SENP6: variants seen among roughly 807,000 people sequenced by gnomAD.
The protein encoded by SENP6 is SUMO specific peptidase 6, also known as sentrin-specific protease 6.
A neutral mutation model predicts 134.5 loss-of-function variants in SENP6; 41 were observed. That is an observed-to-expected ratio of 0.30 (90% CI 0.24 to 0.40). The LOEUF (loss-of-function observed/expected upper bound fraction) is 0.40, where lower values mean the gene tolerates loss of function less well. SENP6 is among the 10% of genes least tolerant of loss of function. The probability of loss-of-function intolerance (pLI) is 1.00; values close to 1 mark genes in which losing one functional copy is unlikely to be tolerated. For synonymous variants in SENP6, 395 were observed against 429.8 expected (o/e 0.92, Z 1.00); for missense variants, 1,248 against 1,312.5 (o/e 0.95, Z 0.76).
intron 7 of SENP6, among the ~76,000 whole-genome samples, chr6:75,651,216 CT>C (rs2149852752): frequency 6.6e-6 from 1 of 152,072 alleles, no homozygotes; most frequent in Non-Finnish European, 1.5e-5. Flanking sequence ...TTTTTTCAGC[CT>C]GTTTTTTGTA....
chr6:75,637,167 A>G (rs1200255494), intron 5 of SENP6, among the ~76,000 whole-genome samples: 2 of 152,158 alleles, frequency 1.3e-5, no homozygotes, highest in Non-Finnish European at 2.9e-5. Flanking sequence ...TGAGCACTGC[A>G]CCTGTCTCAA....
chr6:75,701,274 C>G (rs1775005368), intron 18 of SENP6, among the ~76,000 whole-genome samples: 1 of 152,130 alleles, frequency 6.6e-6, no homozygotes, highest in South Asian at 2.1e-4. Context: ...AGCCCTGTGT[C>G]TAGCAAAAAA....
At chr6:75,710,307 C>T (rs1397428541) in intron 20 of SENP6, among the ~76,000 whole-genome samples, 1 of 152,086 alleles carries the variant, frequency 6.6e-6, no homozygotes, top group Non-Finnish European at 1.5e-5. Flanking sequence ...CCCTAACAAA[C>T]AGTATGAACA....
intron 1 of SENP6, among the ~76,000 whole-genome samples, chr6:75,620,102 AAG>A (rs1554158806): frequency 2.0e-5 from 3 of 151,372 alleles, no homozygotes; most frequent in African/African-American, 7.3e-5. Flanking sequence ...AAAAAAAAAA[AAG>A]AGGAAAATAA....
intron 7 of SENP6, among the ~76,000 whole-genome samples, chr6:75,653,852 A>C (rs1771105719): frequency 6.6e-6 from 1 of 152,198 alleles, no homozygotes; most frequent in Non-Finnish European, 1.5e-5. Flanking sequence ...AGAAAGTAGT[A>C]TGTAAAAGCC....
chr6:75,622,475 C>T (rs1423315642), intron 2 of SENP6, among the ~76,000 whole-genome samples: 1 of 152,196 alleles, frequency 6.6e-6, no homozygotes, highest in African/African-American at 2.4e-5. Context: ...AGGAGAATCA[C>T]TTGAACCCGG....
intron 16 of SENP6, among the ~76,000 whole-genome samples, chr6:75,680,960 CAA>C (rs1393173607): frequency 1.3e-5 from 2 of 152,188 alleles, no homozygotes; most frequent in African/African-American, 4.8e-5. Context: ...CCATAGTACT[CAA>C]AATGTCCAGA....
chr6:75,608,613 A>G (rs1767211718), intron 1 of SENP6, among the ~76,000 whole-genome samples: 1 of 152,236 alleles, frequency 6.6e-6, no homozygotes, highest in African/African-American at 2.4e-5. Context: ...TATGAACTCA[A>G]AAGTCAGAAT....
chr6:75,682,916 T>C lies in SENP6; in HGVS notation c.2075+3989T>C, dbSNP rs1246036995. Among the ~76,000 whole-genome samples the C allele has an allele frequency of 2.6e-5, 4 of 152,340 alleles. No homozygotes were observed. The East Asian group carries it at 7.7e-4, about 29-fold the overall frequency. On this transcript the variant is annotated intron_variant, in intron 16 of 23. Transcript: ENST00000447266. ...CATGATTTATAATCCTTTGGGTATA[T>C]ACCAGGTAATGGGATTGCTGGGTCA...
At chr6:75,606,595 A>G (rs912582092) in intron 1 of SENP6, among the ~76,000 whole-genome samples, 1 of 152,202 alleles carries the variant, frequency 6.6e-6, no homozygotes, top group South Asian at 2.1e-4. Context: ...TAAAATTACA[A>G]CTGACAAGTA....
At chr6:75,628,470 A>G (rs1768866766) in intron 3 of SENP6, among the ~76,000 whole-genome samples, 1 of 152,150 alleles carries the variant, frequency 6.6e-6, no homozygotes, top group South Asian at 2.1e-4. Context: ...TTGGAAATTT[A>G]TCTTTTAAAA....
intron 1 of SENP6, among the ~76,000 whole-genome samples, chr6:75,620,934 T>C (rs1284618709): frequency 1.3e-5 from 2 of 152,194 alleles, no homozygotes; most frequent in African/African-American, 4.8e-5. Flanking sequence ...GAATTTCATT[T>C]AGCTCTCTGG....
chr6:75,699,530 C>G (rs140635725), intron 18 of SENP6, among the ~76,000 whole-genome samples: 2 of 152,006 alleles, frequency 1.3e-5, no homozygotes, highest in Admixed American at 1.3e-4. Flanking sequence ...GTCTGTCACT[C>G]AGGCTGGAAT....
intron 3 of SENP6, among the ~76,000 whole-genome samples, chr6:75,631,747 GA>G (rs1769128210): frequency 6.6e-6 from 1 of 152,218 alleles, no homozygotes; most frequent in Admixed American, 6.5e-5. Context: ...ATATGATCAA[GA>G]AAGCCTACAA....
chr6:75,700,730 G>A (rs933370605), intron 18 of SENP6, among the ~76,000 whole-genome samples: 1 of 152,168 alleles, frequency 6.6e-6, no homozygotes, highest in African/African-American at 2.4e-5. Flanking sequence ...GAGCTCAAGC[G>A]ATATGCCTGC....
chr6:75,693,978 C>A (rs1774476905), intron 16 of SENP6, among the ~76,000 whole-genome samples: 1 of 152,068 alleles, frequency 6.6e-6, no homozygotes, highest in South Asian at 2.1e-4. Flanking sequence ...AGAACCAGGC[C>A]AGGCACGGTG....
chr6:75,641,558 A>G (rs1055528469), intron 6 of SENP6, among the ~76,000 whole-genome samples: 2 of 152,186 alleles, frequency 1.3e-5, no homozygotes, highest in African/African-American at 4.8e-5. Context: ...ACTGGCAGAC[A>G]CATGTTGTTC....
chr6:75,642,316 T>C (rs1197078259), intron 6 of SENP6, among the ~76,000 whole-genome samples: 1 of 152,216 alleles, frequency 6.6e-6, no homozygotes, highest in South Asian at 2.1e-4. Flanking sequence ...ATAATTTCCA[T>C]GTAGAGAAGT....
At chr6:75,619,697 T>G (rs1221299292) in intron 1 of SENP6, among the ~76,000 whole-genome samples, 1 of 152,220 alleles carries the variant, frequency 6.6e-6, no homozygotes, top group East Asian at 1.9e-4. Context: ...CAAATTATTT[T>G]CTACAGTGCC....
Sources: allele counts gnomAD v4.1 joint callset (sites outside exome capture counted in the v4.1 genomes callset), GRCh38; gene constraint gnomAD v4.1.1; transcripts MANE v1.5; gene names NCBI Gene and HGNC (gene_info 2026-07-23, HGNC 2026-07-21).